ECE1: variants seen among roughly 807,000 people sequenced by gnomAD.
ECE1 encodes the protein endothelin-converting enzyme 1.
In ECE1, 35 loss-of-function variants were observed where a neutral mutation model predicts 98.6. The observed-to-expected ratio is 0.35, with a 90% CI of 0.27 to 0.47. The LOEUF is 0.47. Ranked by LOEUF, ECE1 falls within the 20% of genes least tolerant of loss-of-function variation. The pLI is 1.00. For synonymous variants in ECE1, 394 were observed against 407.1 expected (o/e 0.97, Z 0.39); for missense variants, 814 against 1,025.3 (o/e 0.79, Z 2.81).
intron 1 of ECE1, among the ~76,000 whole-genome samples, chr1:21,342,282 A>G (rs1639413574): frequency 6.6e-6 from 1 of 152,060 alleles, no homozygotes; most frequent in Non-Finnish European, 1.5e-5. Context: ...CTGCCAGGTT[A>G]CCCCTCCAAA....
chr1:21,264,311 C>CT (rs1177881014), intron 4 of ECE1, among the ~76,000 whole-genome samples: 2 of 65,612 alleles, frequency 3.0e-5, no homozygotes, highest in Non-Finnish European at 5.9e-5. Flanking sequence ...ATACCAATTC[C>CT]CCCCCCCCCT....
At chr1:21,314,867 C>T (rs551743284) in intron 1 of ECE1, among the ~76,000 whole-genome samples, 1 of 152,292 alleles carries the variant, frequency 6.6e-6, no homozygotes, top group African/African-American at 2.4e-5. Flanking sequence ...AAATCTAGTC[C>T]AGGACGCATA....
chr1:21,281,651 T>C (rs976356146), intron 2 of ECE1, among the ~76,000 whole-genome samples: 18 of 152,284 alleles, frequency 1.2e-4, no homozygotes, highest in African/African-American at 4.1e-4. Context: ...TTATCATGGC[T>C]CAGCTCACAG....
rs189185067 is a variant in ECE1, at chr1:21,283,530, C to A, written c.139-4198G>T. On this transcript the variant is annotated intron_variant, in intron 2 of 18. Transcript: ENST00000374893. ...AGGTGATCTGCCCGCCTCAGCTTCC[C>A]AAAGTGCTGGGATTACAGGCGTGAA... is the stretch of plus-strand genomic sequence containing the variant. 3.7e-3 allele frequency among the ~76,000 whole-genome samples: 557 copies of A among 152,332 alleles called. 2 individuals carry two copies. Among genetic ancestry groups the A allele is most frequent in the African/African-American group, 0.013 (529 of 41,576 alleles).
Position 21,258,863 on chromosome 1 carries a change from GGAGGT to G in ECE1, c.616-29_616-25del. The stretch of plus-strand genomic sequence containing the variant: ...AGCTGTGGGGAGGGAGAGCAGGCAG[GGAGGT>G]GATGAGGTGGCGGGGAGACCCAGAT... On this transcript the variant is annotated intron_variant, in intron 5 of 18. Transcript: ENST00000374893. This position sits in a 1 kb window ranked among gnomAD's most constrained non-coding sequence, Gnocchi z 4.2. 1.2e-6 allele frequency: 2 copies of G among 1,613,854 alleles called. No homozygotes were observed. Among genetic ancestry groups the G allele is most frequent in the African/African-American group, 1.3e-5 (1 of 75,026 alleles).
intron 1 of ECE1, among the ~76,000 whole-genome samples, chr1:21,295,759 AT>A (rs1638337741): frequency 6.6e-6 from 1 of 152,152 alleles, no homozygotes; most frequent in African/African-American, 2.4e-5. Flanking sequence ...AATGTATTTT[AT>A]TTATAACCTA....
chr1:21,309,198 T>G (rs1638662406), intron 1 of ECE1, among the ~76,000 whole-genome samples: 2 of 152,192 alleles, frequency 1.3e-5, no homozygotes, highest in African/African-American at 4.8e-5. Context: ...CACTGGGATA[T>G]GAGACACAGA....
At chr1:21,281,705 TG>T (rs2098254784) in intron 2 of ECE1, among the ~76,000 whole-genome samples, 1 of 152,272 alleles carries the variant, frequency 6.6e-6, no homozygotes, top group South Asian at 2.1e-4. Context: ...TGTTTTGTTT[TG>T]TTTTGTTTGA....
intron 1 of ECE1, among the ~76,000 whole-genome samples, chr1:21,305,251 A>G (rs1638571475): frequency 6.6e-6 from 1 of 152,216 alleles, no homozygotes; most frequent in African/African-American, 2.4e-5. Flanking sequence ...CAGTCTACAA[A>G]GCCAGGCTAA....
Position 21,220,048 on chromosome 1 carries a change from G to A in ECE1, c.2220C>T (p.Ile740=), listed in dbSNP as rs1041995765. 6 of 1,614,120 alleles carry A rather than the reference G, an allele frequency of 3.7e-6. No individual in the cohort carries two copies. Among genetic ancestry groups the A allele is most frequent in the South Asian group, 3.3e-5 (3 of 91,094 alleles). ...ACTCCTTGGAATTGGAGAGGGAGCCGATGACCCGGAAGCGAGAGGGGCTGT... is the reference window on the plus strand; with the variant it reads ...ACTCCTTGGAATTGGAGAGGGAGCCAATGACCCGGAAGCGAGAGGGGCTGT... ...DPHSPSRFRV[I]GSLSNSKEFS... is the part of the protein sequence containing the mutation. The change falls in exon 19 of 19, where the codon ATC becomes ATT. Residue 740 remains isoleucine (I), a synonymous_variant. Transcript: ENST00000374893. This position sits in a 1 kb window ranked among gnomAD's most constrained non-coding sequence, Gnocchi z 5.0.
chr1:21,290,241 C>T lies in ECE1; in HGVS notation c.52-85G>A. 1.4e-6 allele frequency: 2 copies of T among 1,380,564 alleles called. No homozygotes were observed. Among genetic ancestry groups the T allele is most frequent in the South Asian group, 1.6e-5 (1 of 61,604 alleles). The allele number at this position is 1,380,564 out of a possible 1,614,324, so 85.5% of individuals were successfully genotyped here. A position where few individuals can be genotyped will look rare whatever the true frequency, so the allele number is the denominator to read the frequency against. On this transcript the variant is annotated intron_variant, in intron 1 of 18. Coordinates refer to ENST00000374893, the MANE Select transcript of ECE1 (RefSeq NM_001397.3). The surrounding 1 kb of genome is among the most constrained non-coding windows in gnomAD (Gnocchi z 7.3). The stretch of plus-strand genomic sequence containing the variant: ...GGGGAAGCGGCCCCGACCCTGGCGC[C>T]GCCGCCGCCGCGCCCCGCCCCGGCC...
rs1206233953 is a variant in ECE1, at chr1:21,302,827, C to T, written c.4-12671G>A. 2.6e-5 allele frequency among the ~76,000 whole-genome samples: 4 copies of T among 152,328 alleles called. No individual in the cohort carries two copies. In the East Asian group the frequency reaches 7.7e-4, roughly 29 times the overall value. On this transcript the variant is annotated intron_variant, in intron 1 of 18. Coordinates refer to the ECE1 transcript ENST00000415912. ...TGTTTATATTCCCCTCCCGTACCTTCCCCAAATGACAGGCTTGTCCAGATG... is the reference window on the plus strand; with the variant it reads ...TGTTTATATTCCCCTCCCGTACCTTTCCCAAATGACAGGCTTGTCCAGATG...
At chr1:21,222,090 G>A in intron 17 of ECE1, 1 of 540,586 alleles carries the variant, frequency 1.8e-6, no homozygotes, top group Non-Finnish European at 3.3e-6. Context: ...TCCCTGATGT[G>A]TATATTCAAC....
Position 21,228,680 on chromosome 1 carries a change from G to A in ECE1, c.1671-639C>T, listed in dbSNP as rs377240840. Among the ~76,000 whole-genome samples, 6 of 151,896 alleles carry A rather than the reference G, an allele frequency of 4.0e-5. No homozygotes were observed. The South Asian group carries it at 1.0e-3, about 26-fold the overall frequency. On this transcript the variant is annotated intron_variant, in intron 14 of 18. Transcript: ENST00000374893. ...GGCGCACACTTGTAATCCCAGCTAC[G>A]TGGGTGGCTGAGGCACGAGAATTGC...
intron 18 of ECE1, among the ~76,000 whole-genome samples, chr1:21,221,259 T>C (rs2103200266): frequency 6.6e-6 from 1 of 152,252 alleles, no homozygotes; most frequent in African/African-American, 2.4e-5. Context: ...AACCTCTGCC[T>C]CCCAGGTTCA....
chr1:21,239,688 A>G (rs1375554133), intron 10 of ECE1, among the ~76,000 whole-genome samples: 1 of 152,172 alleles, frequency 6.6e-6, no homozygotes, highest in African/African-American at 2.4e-5. Flanking sequence ...CTGACAGGAA[A>G]GGGGCATGAG....
At chr1:21,338,161 G>A (rs995682761) in intron 1 of ECE1, among the ~76,000 whole-genome samples, 2 of 152,158 alleles carry the variant, frequency 1.3e-5, no homozygotes, top group African/African-American at 4.8e-5. Context: ...CAGGCAGCTG[G>A]GGGTGTGTGT....
chr1:21,345,261 G>A lies in ECE1; in HGVS notation c.3+115C>T. ...GAGCCGGGCGGGGGCTGCTGCTGCAGCCGGCGCCCAGCCCCCCGCGAGCCA... is the reference window on the plus strand; with the variant it reads ...GAGCCGGGCGGGGGCTGCTGCTGCAACCGGCGCCCAGCCCCCCGCGAGCCA... On this transcript the variant is annotated intron_variant, in intron 1 of 18. Transcript: ENST00000415912. This position sits in a 1 kb window ranked among gnomAD's most constrained non-coding sequence, Gnocchi z 5.1. The A allele has an allele frequency of 8.4e-7, 1 of 1,189,058 alleles. No homozygotes were observed. Among genetic ancestry groups the A allele is most frequent in the Non-Finnish European group, 1.0e-6 (1 of 961,764 alleles). 73.7% of individuals were successfully genotyped at this position (1,189,058 alleles called of 1,614,324 possible).
intron 4 of ECE1, among the ~76,000 whole-genome samples, chr1:21,267,936 T>C (rs891388700): frequency 2.0e-5 from 3 of 152,226 alleles, no homozygotes; most frequent in Non-Finnish European, 4.4e-5. Flanking sequence ...ATATTGTATG[T>C]CTATCTCCCA....
Sources: allele counts gnomAD v4.1 joint callset (sites outside exome capture counted in the v4.1 genomes callset), GRCh38; gene constraint gnomAD v4.1.1; non-coding constraint Gnocchi (gnomAD v3.1); transcripts MANE v1.5; gene names NCBI Gene and HGNC (gene_info 2026-07-23, HGNC 2026-07-21).